USP29: variants seen among roughly 807,000 people sequenced by gnomAD.
The protein encoded by USP29 is ubiquitin specific peptidase 29.
For synonymous variants in USP29, 386 were observed against 387.4 expected, an observed-to-expected ratio of 1.00 and a Z score of 0.04; for missense variants, 1,102 against 1,069.0, an observed-to-expected ratio of 1.03 and a Z score of -0.43.
rs553655842 is a variant in USP29, at chr19:57,126,055, GA to G, written c.-17+1920del. The stretch of plus-strand genomic sequence containing the variant: ...TTGGCTGGATATGAAATTCAGGGTT[GA>G]AAATTCCTTAAGAACGTTGAATATT... On this transcript the variant is annotated intron_variant, in intron 3 of 3. Coordinates refer to ENST00000254181, the MANE Select transcript of USP29 (RefSeq NM_020903.3). Among the ~76,000 whole-genome samples, 89 of 152,278 alleles carry G rather than the reference GA, an allele frequency of 5.8e-4. 1 individual carries two copies. In the South Asian group the frequency reaches 0.018, roughly 30 times the overall value.
chr19:57,124,357 A>T (rs1483690279), intron 3 of USP29, among the ~76,000 whole-genome samples: 26 of 108,966 alleles, frequency 2.4e-4, no homozygotes, highest in East Asian at 4.1e-4. Context: ...TTTTTTTTTC[A>T]CTCTTCATAT....
Position 57,128,952 on chromosome 19 carries a change from A to G in USP29, c.277A>G (p.Lys93Glu). 6.2e-7 allele frequency: 1 copy of G among 1,614,098 alleles called. No homozygotes were observed. The highest frequency in any genetic ancestry group is 8.5e-7 in the Non-Finnish European group (1 of 1,179,998). The change falls in exon 4 of 4, where the codon AAA becomes GAA. Residue 93 changes from lysine to glutamate, a missense_variant. Transcript: ENST00000254181. ...TGACAAATTATCCTACAGAGATGCT[A>G]AACAGTTGAATATGTTCCTGGACAT... Reference protein sequence around the residue: ...FIDKLSYRDAKQLNMFLDIIH... With the variant: ...FIDKLSYRDAEQLNMFLDIIH...
chr19:57,131,636 T>C lies in USP29; in HGVS notation c.*192T>C. ...CTAGATCCCAGAACTCAGGCGCATA[T>C]GCATATTTTCCCTGCAAGATTAGAA... On this transcript the variant is annotated 3_prime_UTR_variant, in exon 4 of 4. Coordinates refer to ENST00000254181, the MANE Select transcript of USP29 (RefSeq NM_020903.3). The C allele has an allele frequency of 1.2e-6, 1 of 853,942 alleles. No homozygotes were observed. Among genetic ancestry groups the C allele is most frequent in the Non-Finnish European group, 1.7e-6 (1 of 575,590 alleles). The allele number at this position is 853,942 out of a possible 1,614,324, so 52.9% of individuals were successfully genotyped here. A position where few individuals can be genotyped will look rare whatever the true frequency, so the allele number is the denominator to read the frequency against.
rs1443208809 is a variant in USP29 at position 57,131,675 on chromosome 19, G to A, written c.*231G>A. 11 of 619,102 alleles carry A rather than the reference G, an allele frequency of 1.8e-5. No homozygotes were observed. The highest frequency in any genetic ancestry group is 3.7e-5 in the African/African-American group (2 of 53,488). 38.4% of individuals were successfully genotyped at this position (619,102 alleles called of 1,614,324 possible). ...GCAAGATTAGAATGGTGCTCTTCAC[G>A]TTTTGACGGTGGTTTTCAAAATGTT... On this transcript the variant is annotated 3_prime_UTR_variant, in exon 4 of 4. Transcript: ENST00000254181.
chr19:57,131,780 C>G lies in USP29; in HGVS notation c.*336C>G, dbSNP rs1477628388. ...GGGTCACTCTCTAGACCAACTGATG[C>G]AGAAACAGGAGGTGTGAGCCAGCAA... On this transcript the variant is annotated 3_prime_UTR_variant, in exon 4 of 4. Transcript: ENST00000254181. 1 of 243,686 alleles carries G rather than the reference C, an allele frequency of 4.1e-6. No homozygotes were observed. The highest frequency in any genetic ancestry group is 2.3e-5 in the African/African-American group (1 of 43,812). 15.1% of individuals were successfully genotyped at this position (243,686 alleles called of 1,614,324 possible).
chr19:57,125,537 T>G (rs1020951231), intron 3 of USP29, among the ~76,000 whole-genome samples: 2 of 152,068 alleles, frequency 1.3e-5, no homozygotes, highest in African/African-American at 4.8e-5. Context: ...TTGTCTTTTT[T>G]GATCTTTGTT....
At position 57,129,985 on chromosome 19, in the gene USP29, T is replaced by C. The variant is rs1282272820; in HGVS notation, c.1310T>C (p.Ile437Thr). The C allele has an allele frequency of 3.1e-6, 5 of 1,614,214 alleles. No homozygotes were observed. The highest frequency in any genetic ancestry group is 4.5e-5 in the East Asian group (2 of 44,884). ...NFEFELQLSL[I>T]CKACGHAVLK... is the part of the protein sequence containing the mutation. ...GAGTTTGAATTGCAGCTCTCCCTTA[T>C]TTGTAAAGCTTGTGGTCATGCTGTT... Residue 437 changes from isoleucine to threonine, a missense_variant, in exon 4 of 4, where the codon ATT becomes ACT. Transcript: ENST00000254181.
At chr19:57,120,788 C>CAAAAAAA (rs71293954) in intron 1 of USP29, among the ~76,000 whole-genome samples, 5,412 of 31,120 alleles carry the variant, frequency 0.17, 1,544 homozygotes, top group Non-Finnish European at 0.24. Flanking sequence ...GACTCCGTCT[C>CAAAAAAA]AAAAAAAAAA....
chr19:57,127,565 C>A (rs1311162746), intron 3 of USP29, among the ~76,000 whole-genome samples: 1 of 152,158 alleles, frequency 6.6e-6, no homozygotes, highest in Admixed American at 6.5e-5. Context: ...AACCTCCCAC[C>A]CTCCTTAGCA....
rs755152511 is a variant in USP29 at position 57,130,735 on chromosome 19, A to G, written c.2060A>G (p.Gln687Arg). Residue 687 changes from glutamine (Q) to arginine (R), a missense_variant, in exon 4 of 4, where the codon CAA becomes CGA. Physicochemically the swap from Gln to Arg is conservative, Grantham distance 43. Coordinates refer to ENST00000254181, the MANE Select transcript of USP29 (RefSeq NM_020903.3). ...GAGGTTCATCTTCAAGAGGTGCCTC[A>G]ACATCCAGAACTTCAGAAGTATGAG... is the stretch of plus-strand genomic sequence containing the variant. ...LVEVHLQEVP[Q>R]HPELQKYEKT... is the part of the protein sequence containing the mutation. 1 of 1,614,102 alleles carries G rather than the reference A, an allele frequency of 6.2e-7. No homozygotes were observed. The highest frequency in any genetic ancestry group is 1.3e-5 in the African/African-American group (1 of 74,942).
rs2086847103 is a variant in USP29 at position 57,129,979 on chromosome 19, C to T, written c.1304C>T (p.Ser435Phe). 1.9e-6 allele frequency: 3 copies of T among 1,614,158 alleles called. No individual in the cohort carries two copies. The highest frequency in any genetic ancestry group is 2.2e-5 in the East Asian group (1 of 44,886). Residue 435 changes from serine (S) to phenylalanine (F), a missense_variant, in exon 4 of 4, where the codon TCC becomes TTC. By Grantham distance (155) the Ser-to-Phe change is radical. Transcript: ENST00000254181. The part of the protein sequence containing the change: ...VANFEFELQL[S>F]LICKACGHAV... The stretch of plus-strand genomic sequence containing the variant: ...AATTTTGAGTTTGAATTGCAGCTCT[C>T]CCTTATTTGTAAAGCTTGTGGTCAT...
At position 57,131,892 on chromosome 19, in the gene USP29, G is replaced by T; in HGVS notation, c.*448G>T. The T allele has an allele frequency of 5.7e-6, 1 of 174,492 alleles. No individual in the cohort carries two copies. The highest frequency in any genetic ancestry group is 1.4e-5 in the Non-Finnish European group (1 of 73,150). The allele number at this position is 174,492 out of a possible 1,614,324, so 10.8% of individuals were successfully genotyped here. On this transcript the variant is annotated 3_prime_UTR_variant, in exon 4 of 4. Transcript: ENST00000254181. ...TGGTGTATTTTGCTACTGTTGATAT[G>T]GATTGCTTATGTTATATAAACGATT...
chr19:57,124,496 T>TTG (rs1555754605), intron 3 of USP29, among the ~76,000 whole-genome samples: 23 of 151,172 alleles, frequency 1.5e-4, no homozygotes, highest in Admixed American at 6.6e-4. Context: ...TTTTTGTTTT[T>TTG]TTTTTGTTTT....
chr19:57,128,219 T>C (rs1485560000), intron 3 of USP29, among the ~76,000 whole-genome samples: 3 of 152,156 alleles, frequency 2.0e-5, no homozygotes, highest in Admixed American at 6.5e-5. Context: ...TTGGCCATCT[T>C]GGCCCCGCCC....
chr19:57,124,583 A>G (rs1156580994), intron 3 of USP29, among the ~76,000 whole-genome samples: 1 of 150,334 alleles, frequency 6.7e-6, no homozygotes, highest in Non-Finnish European at 1.5e-5. Context: ...ATCTCTGTTC[A>G]CTGCAACCTC....
chr19:57,130,708 T>C lies in USP29; in HGVS notation c.2033T>C (p.Val678Ala). The C allele has an allele frequency of 6.2e-7, 1 of 1,614,188 alleles. No homozygotes were observed. The highest frequency in any genetic ancestry group is 1.1e-5 in the South Asian group (1 of 91,078). Reference protein sequence around the residue: ...KLISSPDTRLVEVHLQEVPQH... With the variant: ...KLISSPDTRLAEVHLQEVPQH... ...ATCAGCAGCCCAGACACAAGGCTTG[T>C]CGAGGTTCATCTTCAAGAGGTGCCT... The change falls in exon 4 of 4, where the codon GTC becomes GCC. Residue 678 changes from valine (V) to alanine (A), a missense_variant. Transcript: ENST00000254181.
chr19:57,131,292 A>G lies in USP29; in HGVS notation c.2617A>G (p.Arg873Gly). The G allele has an allele frequency of 6.2e-7, 1 of 1,614,230 alleles. No homozygotes were observed. Among genetic ancestry groups the G allele is most frequent in the Non-Finnish European group, 8.5e-7 (1 of 1,180,044 alleles). The change falls in exon 4 of 4, where the codon AGG becomes GGG. Residue 873 changes from arginine (R) to glycine (G), a missense_variant. Coordinates refer to ENST00000254181, the MANE Select transcript of USP29 (RefSeq NM_020903.3). ...CTCAGAGACCAAAATGCAGGAGGCG[A>G]GGCTTCACTCTGGGTATATCTTCTT... ...EISETKMQEA[R>G]LHSGYIFFYM...
Position 57,129,966 on chromosome 19 carries a change from G to A in USP29, c.1291G>A (p.Glu431Lys), listed in dbSNP as rs753600107. The A allele has an allele frequency of 6.2e-7, 1 of 1,614,182 alleles. No individual in the cohort carries two copies. Among genetic ancestry groups the A allele is most frequent in the South Asian group, 1.1e-5 (1 of 91,084 alleles). ...CCCTGTTGTTGCTAATTTTGAGTTT[G>A]AATTGCAGCTCTCCCTTATTTGTAA... Reference protein sequence around the residue: ...VCPVVANFEFELQLSLICKAC... With the variant: ...VCPVVANFEFKLQLSLICKAC... The change falls in exon 4 of 4, where the codon GAA becomes AAA. Residue 431 changes from glutamate to lysine, a missense_variant. Coordinates refer to ENST00000254181, the MANE Select transcript of USP29 (RefSeq NM_020903.3).
At chr19:57,127,543 T>C (rs906322049) in intron 3 of USP29, among the ~76,000 whole-genome samples, 1 of 152,132 alleles carries the variant, frequency 6.6e-6, no homozygotes, top group Admixed American at 6.6e-5. Context: ...GTGGTGAACT[T>C]TGCCCAGTCC....
Sources: allele counts gnomAD v4.1 joint callset (sites outside exome capture counted in the v4.1 genomes callset), GRCh38; gene constraint gnomAD v4.1.1; transcripts MANE v1.5; gene names NCBI Gene and HGNC (gene_info 2026-07-23, HGNC 2026-07-21).